The following TMPRSS11A variants were observed in gnomAD, a reference collection of about 807,000 sequenced individuals.
The protein encoded by TMPRSS11A is transmembrane serine protease 11A.
In TMPRSS11A, 53 loss-of-function variants were observed where a neutral mutation model predicts 58.9. The ratio of observed to expected loss-of-function variants is 0.90; its 90% CI spans 0.72 to 1.13. TMPRSS11A has a LOEUF of 1.13. Ranked by LOEUF, TMPRSS11A falls within the 50% of genes most tolerant of loss-of-function variation. TMPRSS11A has a pLI of 0.00. For missense variants in TMPRSS11A, 493 were observed against 499.3 expected (o/e 0.99, Z 0.12); for synonymous variants, 167 against 169.8 (o/e 0.98, Z 0.13).
intron 3 of TMPRSS11A, among the ~76,000 whole-genome samples, chr4:67,943,958 T>A (rs1720938979): frequency 6.6e-6 from 1 of 152,194 alleles, no homozygotes; most frequent in African/African-American, 2.4e-5. Context: ...CTGAGTGGAA[T>A]GATTATACAA....
intron 1 of TMPRSS11A, among the ~76,000 whole-genome samples, chr4:67,951,841 A>G (rs1221305707): frequency 6.6e-6 from 1 of 152,222 alleles, no homozygotes; most frequent in Non-Finnish European, 1.5e-5. Flanking sequence ...CATTTCACCT[A>G]GAAAGCTTTG....
intron 1 of TMPRSS11A, among the ~76,000 whole-genome samples, chr4:67,949,594 C>T (rs1207161081): frequency 6.6e-6 from 1 of 152,204 alleles, no homozygotes; most frequent in Non-Finnish European, 1.5e-5. Flanking sequence ...CATGGTGGCT[C>T]ACTCTTGTAA....
chr4:67,949,784 G>T (rs912248835), intron 1 of TMPRSS11A, among the ~76,000 whole-genome samples: 1 of 152,096 alleles, frequency 6.6e-6, no homozygotes, highest in Non-Finnish European at 1.5e-5. Context: ...GCTTGAACCC[G>T]GGAGATGGAG....
intron 1 of TMPRSS11A, among the ~76,000 whole-genome samples, chr4:67,951,954 G>A (rs1721171761): frequency 6.6e-6 from 1 of 152,226 alleles, no homozygotes; most frequent in South Asian, 2.1e-4. Context: ...CTTTTTGAGG[G>A]ACTGAACTTA....
intron 7 of TMPRSS11A, among the ~76,000 whole-genome samples, chr4:67,920,527 T>TTATA (rs1180319358): frequency 0.012 from 1,651 of 132,692 alleles, 17 homozygotes; most frequent in South Asian, 0.022. Context: ...AATGAGGTAA[T>TTATA]TATATATATA....
chr4:67,930,404 TC>T, intron 4 of TMPRSS11A, among the ~76,000 whole-genome samples: 1 of 152,178 alleles, frequency 6.6e-6, no homozygotes, highest in Non-Finnish European at 1.5e-5. Context: ...CAATTGGCCC[TC>T]TAATGACAGT....
chr4:67,928,441 C>CA (rs1013466714), intron 5 of TMPRSS11A, among the ~76,000 whole-genome samples: 16 of 152,076 alleles, frequency 1.1e-4, no homozygotes, highest in Non-Finnish European at 1.8e-4. Flanking sequence ...GCTGAGCCTA[C>CA]AAAAAACAAA....
At chr4:67,951,046 C>T (rs899376269) in intron 1 of TMPRSS11A, among the ~76,000 whole-genome samples, 1 of 152,158 alleles carries the variant, frequency 6.6e-6, no homozygotes, top group Non-Finnish European at 1.5e-5. Flanking sequence ...ACAGACAGCC[C>T]CAAAGGATGT....
At chr4:67,944,490 T>C in intron 3 of TMPRSS11A, 29 bp downstream of exon 3, 1 of 1,597,312 alleles carries the variant, frequency 6.3e-7, no homozygotes, top group Non-Finnish European at 8.5e-7. Context: ...TGCATTATTC[T>C]ATGATAAAAA....
rs903656264 is a variant in TMPRSS11A, at chr4:67,910,262, C to A, written c.*1080G>T. On this transcript the variant is annotated 3_prime_UTR_variant, in exon 10 of 10. Transcript: ENST00000508048. ...ATGTTATAGCCCCATGTGTTATATG[C>A]AGTAGGTGCTCAAATTTTATATTTA... is the stretch of plus-strand genomic sequence containing the variant. The A allele has an allele frequency of 1.3e-5, 2 of 151,962 alleles. No individual in the cohort carries two copies. Among genetic ancestry groups the A allele is most frequent in the African/African-American group, 4.8e-5 (2 of 41,404 alleles). The allele number at this position is 151,962 out of a possible 1,614,324, so 9.4% of individuals were successfully genotyped here.
chr4:67,956,904 G>C (rs941844293), intron 1 of TMPRSS11A, among the ~76,000 whole-genome samples: 2 of 152,202 alleles, frequency 1.3e-5, no homozygotes, highest in African/African-American at 4.8e-5. Context: ...TTGTGGGAGA[G>C]ACCCAATGGG....
rs1237030942 is a variant in TMPRSS11A at position 67,946,493 on chromosome 4, C to T, written c.90G>A (p.Val30=). The part of the protein sequence containing the change: ...IAVLIVLSLT[V]VAVTIGLLVH... ...CCAGGAGACCTATGGTCACTGCCAC[C>T]ACTGTCAGGGACAACACAATGAGAA... Residue 30 remains valine (V), a synonymous_variant, in exon 2 of 10, where the codon GTG becomes GTA. Coordinates refer to ENST00000508048, the MANE Select transcript of TMPRSS11A (RefSeq NM_001114387.2). 1 of 1,611,494 alleles carries T rather than the reference C, an allele frequency of 6.2e-7. No individual in the cohort carries two copies. Among genetic ancestry groups the T allele is most frequent in the Non-Finnish European group, 8.5e-7 (1 of 1,178,768 alleles).
At chr4:67,950,604 AG>A (rs1383612404) in intron 1 of TMPRSS11A, among the ~76,000 whole-genome samples, 1 of 152,148 alleles carries the variant, frequency 6.6e-6, no homozygotes, top group Non-Finnish European at 1.5e-5. Context: ...TGTACACCGG[AG>A]GGGGGAATCT....
chr4:67,912,922 A>G (rs1720024945), intron 9 of TMPRSS11A, among the ~76,000 whole-genome samples: 1 of 151,872 alleles, frequency 6.6e-6, no homozygotes, highest in Non-Finnish European at 1.5e-5. Context: ...GCTCCTATTC[A>G]TTTGGTGTTG....
Position 67,955,285 on chromosome 4 carries a change from T to C in TMPRSS11A, c.11+8098A>G, listed in dbSNP as rs1377527240. Among the ~76,000 whole-genome samples the C allele has an allele frequency of 2.0e-5, 3 of 152,228 alleles. No individual in the cohort carries two copies. In the East Asian group the frequency reaches 5.8e-4, roughly 29 times the overall value. ...GGGTTGAGCCACAAAGTAAAACTTA[T>C]TATAAAATGTTCTACTTTTCTAGAA... is the stretch of plus-strand genomic sequence containing the variant. On this transcript the variant is annotated intron_variant, in intron 1 of 9. Transcript: ENST00000508048.
At chr4:67,911,541 G>A (rs898711396) in intron 9 of TMPRSS11A, 38 bp from the exon 10 acceptor site, 103 of 1,556,220 alleles carry the variant, frequency 6.6e-5, no homozygotes, top group Non-Finnish European at 8.8e-5. Context: ...AAGAAAATTA[G>A]CTAAACATAA....
rs1720572472 is a variant in TMPRSS11A, at chr4:67,930,051, C to A, written c.321-11G>T. The A allele has an allele frequency of 3.1e-6, 5 of 1,598,650 alleles. No individual in the cohort carries two copies. The highest frequency in any genetic ancestry group is 3.4e-6 in the Non-Finnish European group (4 of 1,170,006). ...CCATCTTCCTCTGGACTGTGACACA[C>A]AAAAGAAAGGTACATTTTCAAAGAA... On this transcript the variant is annotated splice_polypyrimidine_tract_variant and intron_variant, in intron 4 of 9. Transcript: ENST00000508048.
Position 67,911,067 on chromosome 4 carries a change from G to GTC in TMPRSS11A, c.*273_*274dup, listed in dbSNP as rs1039549033. 1.2e-4 allele frequency: 33 copies of GTC among 274,330 alleles called. No homozygotes were observed. Among genetic ancestry groups the GTC allele is most frequent in the Non-Finnish European group, 2.0e-4 (29 of 145,636 alleles). 17.0% of individuals were successfully genotyped at this position (274,330 alleles called of 1,614,324 possible). A position where few individuals can be genotyped will look rare whatever the true frequency, so the allele number is the denominator to read the frequency against. On this transcript the variant is annotated 3_prime_UTR_variant, in exon 10 of 10. Coordinates refer to ENST00000508048, the MANE Select transcript of TMPRSS11A (RefSeq NM_001114387.2). ...GACTATCTTCAAAAATATGTATTGAGTCTCACTGGTACTTCAACATTCGTG... is the reference window on the plus strand; with the variant it reads ...GACTATCTTCAAAAATATGTATTGAGTCTCTCACTGGTACTTCAACATTCGTG...
chr4:67,923,720 G>A (rs1361103105), intron 6 of TMPRSS11A, among the ~76,000 whole-genome samples: 2 of 152,132 alleles, frequency 1.3e-5, no homozygotes, highest in African/African-American at 4.8e-5. Flanking sequence ...ATGTTGGTCA[G>A]GCTGGTCTCG....
Sources: allele counts gnomAD v4.1 joint callset (sites outside exome capture counted in the v4.1 genomes callset), GRCh38; gene constraint gnomAD v4.1.1; transcripts MANE v1.5; gene names NCBI Gene and HGNC (gene_info 2026-07-23, HGNC 2026-07-21).